RALYL: variants seen among roughly 807,000 people sequenced by gnomAD.
The protein encoded by RALYL is RNA-binding Raly-like protein.
Under a neutral mutation model 35.1 loss-of-function variants are expected in RALYL, and 29 were observed. The ratio of observed to expected loss-of-function variants is 0.83; its 90% CI spans 0.61 to 1.13. The LOEUF (loss-of-function observed/expected upper bound fraction) is 1.13, where lower values mean the gene tolerates loss of function less well. Ranked by LOEUF, RALYL falls within the 50% of genes most tolerant of loss-of-function variation. The pLI is 0.00. For missense variants in RALYL, 359 were observed against 360.4 expected (o/e 1.00, Z 0.03); for synonymous variants, 120 against 127.6 (o/e 0.94, Z 0.40).
intron 1 of RALYL, among the ~76,000 whole-genome samples, chr8:84,500,882 G>C (rs1313532891): frequency 6.6e-6 from 1 of 152,072 alleles, no homozygotes; most frequent in African/African-American, 2.4e-5. Context: ...AATTAATTTT[G>C]TTGACAGGAT....
chr8:84,915,928 C>G (rs1233906952), intron 8 of RALYL, among the ~76,000 whole-genome samples: 1 of 151,996 alleles, frequency 6.6e-6, no homozygotes, highest in Non-Finnish European at 1.5e-5. Context: ...GCACTAACAT[C>G]TTCATTAAAG....
intron 3 of RALYL, among the ~76,000 whole-genome samples, chr8:84,798,859 C>T (rs1356302605): frequency 6.6e-6 from 1 of 152,004 alleles, no homozygotes; most frequent in African/African-American, 2.4e-5. Context: ...AGCAAAATGC[C>T]AATGCACAGG....
intron 1 of RALYL, among the ~76,000 whole-genome samples, chr8:84,514,130 A>T (rs2057863057): frequency 7.6e-6 from 1 of 130,814 alleles, no homozygotes; most frequent in Non-Finnish European, 1.7e-5. Flanking sequence ...GAAAGAAAGA[A>T]AAAAAGAAAA....
chr8:84,676,593 G>A (rs904305287), intron 2 of RALYL, among the ~76,000 whole-genome samples: 7 of 152,094 alleles, frequency 4.6e-5, no homozygotes, highest in African/African-American at 9.7e-5. Context: ...AATAGCAAAT[G>A]ACCATTTAAG....
intron 1 of RALYL, among the ~76,000 whole-genome samples, chr8:84,364,595 C>T (rs1438110490): frequency 1.3e-5 from 2 of 152,118 alleles, no homozygotes; most frequent in East Asian, 3.9e-4. Flanking sequence ...AAAACATCTA[C>T]TGCTATGATT....
At chr8:84,219,910 G>A (rs1388254851) in intron 1 of RALYL, among the ~76,000 whole-genome samples, 1 of 151,904 alleles carries the variant, frequency 6.6e-6, no homozygotes, top group African/African-American at 2.4e-5. Context: ...ATAAAAGATT[G>A]GACAAACATT....
chr8:84,401,343 A>G (rs536764620), intron 1 of RALYL, among the ~76,000 whole-genome samples: 1 of 152,120 alleles, frequency 6.6e-6, no homozygotes, highest in African/African-American at 2.4e-5. Context: ...GGAACATTTG[A>G]AAATATGTAA....
chr8:84,535,254 C>T (rs954599729), intron 2 of RALYL, among the ~76,000 whole-genome samples: 5 of 152,188 alleles, frequency 3.3e-5, no homozygotes, highest in Non-Finnish European at 5.9e-5. Context: ...TGTTGGCTCA[C>T]ATTTTCTGAC....
At chr8:84,600,578 G>A (rs974693267) in intron 2 of RALYL, among the ~76,000 whole-genome samples, 6 of 152,098 alleles carry the variant, frequency 3.9e-5, no homozygotes, top group Non-Finnish European at 7.4e-5. Flanking sequence ...CCCCATAGCT[G>A]ACATTTGCTT....
intron 8 of RALYL, among the ~76,000 whole-genome samples, chr8:84,895,234 T>C (rs1844539414): frequency 6.6e-6 from 1 of 151,434 alleles, no homozygotes; most frequent in Admixed American, 6.6e-5. Flanking sequence ...ATTGAAGGCA[T>C]AAAGAAATCA....
chr8:84,738,262 A>G (rs1203727435), intron 2 of RALYL, among the ~76,000 whole-genome samples: 1 of 152,004 alleles, frequency 6.6e-6, no homozygotes, highest in African/African-American at 2.4e-5. Context: ...AAGATGAAGG[A>G]CATTCCTAGT....
intron 1 of RALYL, among the ~76,000 whole-genome samples, chr8:84,439,789 T>C (rs1282886029): frequency 6.6e-6 from 1 of 152,104 alleles, no homozygotes; most frequent in African/African-American, 2.4e-5. Flanking sequence ...TGGTCACAAT[T>C]AAGAGAAAGG....
intron 1 of RALYL, among the ~76,000 whole-genome samples, chr8:84,525,953 C>CTTTTT (rs35794329): frequency 1.6e-4 from 17 of 104,850 alleles, no homozygotes; most frequent in African/African-American, 3.1e-4. Flanking sequence ...TTTCTTTTTT[C>CTTTTT]TTTTTTTTTT....
At chr8:84,757,060 TAAG>T (rs934431213) in intron 2 of RALYL, among the ~76,000 whole-genome samples, 7 of 152,110 alleles carry the variant, frequency 4.6e-5, no homozygotes, top group Non-Finnish European at 8.8e-5. Context: ...GAATTTGAAT[TAAG>T]GAGGAAAAGA....
At chr8:84,249,838 A>G (rs1420955360) in intron 1 of RALYL, among the ~76,000 whole-genome samples, 1 of 150,990 alleles carries the variant, frequency 6.6e-6, no homozygotes, top group Non-Finnish European at 1.5e-5. Flanking sequence ...AAATAATAGT[A>G]CCTGGAGTTA....
chr8:84,653,417 C>T (rs1417047513), intron 2 of RALYL, among the ~76,000 whole-genome samples: 2 of 151,964 alleles, frequency 1.3e-5, no homozygotes, highest in African/African-American at 4.8e-5. Context: ...CACCTCCTAC[C>T]TTTCTTTTGC....
intron 1 of RALYL, among the ~76,000 whole-genome samples, chr8:84,384,558 T>C (rs1283013044): frequency 6.6e-6 from 1 of 151,810 alleles, no homozygotes; most frequent in Non-Finnish European, 1.5e-5. Context: ...GAGAGTTTTT[T>C]CCTATCTCTT....
At chr8:84,421,910 G>A (rs2045668945) in intron 1 of RALYL, among the ~76,000 whole-genome samples, 1 of 150,500 alleles carries the variant, frequency 6.6e-6, no homozygotes. Flanking sequence ...ACTTGATCAT[G>A]GTGGATAAGC....
chr8:84,717,359 G>A (rs568840249), intron 2 of RALYL, among the ~76,000 whole-genome samples: 1 of 152,276 alleles, frequency 6.6e-6, no homozygotes, highest in South Asian at 2.1e-4. Flanking sequence ...ATCTAACATA[G>A]TCATTTGTTT....
Sources: allele counts gnomAD v4.1 joint callset (sites outside exome capture counted in the v4.1 genomes callset), GRCh38; gene constraint gnomAD v4.1.1; transcripts MANE v1.5; gene names NCBI Gene and HGNC (gene_info 2026-07-23, HGNC 2026-07-21).